Variants in ADAM23 observed in about 807,000 individuals in gnomAD.
ADAM23 encodes the protein ADAM metallopeptidase domain 23, also known as disintegrin and metalloproteinase domain-containing protein 23.
A neutral mutation model predicts 120.1 loss-of-function variants in ADAM23; 33 were observed. The observed-to-expected ratio is 0.27, with a 90% CI of 0.21 to 0.37. The LOEUF (loss-of-function observed/expected upper bound fraction) is 0.37. ADAM23 is among the 10% of genes least tolerant of loss of function. ADAM23 has a pLI of 1.00. For missense variants in ADAM23, 862 were observed against 1,058.2 expected (o/e 0.81, Z 2.57); for synonymous variants, 367 against 375.2 (o/e 0.98, Z 0.25).
Position 206,562,239 on chromosome 2 carries a change from C to T in ADAM23, c.1291C>T (p.Gln431Ter). Residue 431 changes from glutamine (Q) to a stop codon, truncating the protein, a stop_gained, in exon 13 of 26, where the codon CAG becomes TAG. Coordinates refer to ENST00000264377, the MANE Select transcript of ADAM23 (RefSeq NM_003812.4). LOFTEE classifies it high-confidence loss of function. ...AATGGCAGTGGCACAAGTATTATCG[C>T]AGAGCCTGGCTCAAAACCTTGGAAT... is the stretch of plus-strand genomic sequence containing the variant. The part of the protein sequence containing the change: ...LPMAVAQVLS[Q>*]SLAQNLGIQW... The T allele has an allele frequency of 6.2e-7, 1 of 1,614,100 alleles. No homozygotes were observed. Among genetic ancestry groups the T allele is most frequent in the Non-Finnish European group, 8.5e-7 (1 of 1,179,960 alleles).
intron 24 of ADAM23, among the ~76,000 whole-genome samples, chr2:206,598,039 A>G (rs536752523): frequency 1.1e-4 from 16 of 152,286 alleles, no homozygotes; most frequent in Admixed American, 6.5e-4. Context: ...TCCTTCTTCT[A>G]TTTCTAAAAG....
intron 3 of ADAM23, among the ~76,000 whole-genome samples, chr2:206,513,024 G>C (rs1696657692): frequency 6.6e-6 from 1 of 152,060 alleles, no homozygotes; most frequent in African/African-American, 2.4e-5. Flanking sequence ...GTATGTCCTG[G>C]CTTCTCCACT....
intron 9 of ADAM23, among the ~76,000 whole-genome samples, chr2:206,553,251 A>G (rs1697571402): frequency 6.6e-6 from 1 of 152,064 alleles, no homozygotes; most frequent in Non-Finnish European, 1.5e-5. Context: ...ACACACATAT[A>G]CATACACATA....
At chr2:206,486,989 C>T (rs1332918942) in intron 3 of ADAM23, among the ~76,000 whole-genome samples, 1 of 152,140 alleles carries the variant, frequency 6.6e-6, no homozygotes, top group Non-Finnish European at 1.5e-5. Flanking sequence ...TTGTGACTGA[C>T]CTCTTTTACT....
rs760349480 is a variant in ADAM23, at chr2:206,617,712, T to C, written c.*85T>C. ...CAGCAGTGTTACTGGAACTATTAAG[T>C]TTGTAAACAAAACCTTTGGGTGGTA... On this transcript the variant is annotated 3_prime_UTR_variant, in exon 26 of 26. Transcript: ENST00000264377. 124 of 1,575,436 alleles carry C rather than the reference T, an allele frequency of 7.9e-5. No homozygotes were observed. The highest frequency in any genetic ancestry group is 1.0e-4 in the Non-Finnish European group (117 of 1,160,910).
intron 3 of ADAM23, among the ~76,000 whole-genome samples, chr2:206,500,379 C>T (rs1215252544): frequency 2.0e-5 from 3 of 152,064 alleles, no homozygotes; most frequent in African/African-American, 7.2e-5. Context: ...TTGTGTAGCA[C>T]CAACATGCAG....
intron 3 of ADAM23, among the ~76,000 whole-genome samples, chr2:206,504,568 A>G (rs1168228029): frequency 6.6e-6 from 1 of 152,198 alleles, no homozygotes; most frequent in African/African-American, 2.4e-5. Flanking sequence ...CCAGGTACTT[A>G]AGAGTATCAT....
At position 206,443,953 on chromosome 2, in the gene ADAM23, C is replaced by G. The variant is rs1221855809; in HGVS notation, c.87C>G (p.Pro29=). 7.8e-7 allele frequency: 1 copy of G among 1,276,778 alleles called. No individual in the cohort carries two copies. The highest frequency in any genetic ancestry group is 2.7e-5 in the South Asian group (1 of 36,590). The allele number at this position is 1,276,778 out of a possible 1,614,324, so 79.1% of individuals were successfully genotyped here. ...AGASCGPQRG[P]AGSVPASAPA... Reference sequence around the variant, plus strand: ...CTTCCTGCGGCCCCCAACGCGGCCCCGCCGGCTCGGTGCCTGCCAGCGCCC... The same window carrying G: ...CTTCCTGCGGCCCCCAACGCGGCCCGGCCGGCTCGGTGCCTGCCAGCGCCC... The change falls in exon 1 of 26, where the codon CCC becomes CCG. Residue 29 remains proline (P), a synonymous_variant. Transcript: ENST00000264377.
In ADAM23 at chr2:206,540,128, G is replaced by T. The variant is rs141061920; in HGVS notation, c.574-1924G>T. Among the ~76,000 whole-genome samples the T allele has an allele frequency of 1.0e-3, 156 of 152,046 alleles. 1 individual carries two copies. The highest frequency in any genetic ancestry group is 3.5e-3 in the African/African-American group (147 of 41,458). On this transcript the variant is annotated intron_variant, in intron 4 of 25. Coordinates refer to ENST00000264377, the MANE Select transcript of ADAM23 (RefSeq NM_003812.4). Reference sequence around the variant, plus strand: ...ACCTGGGAGGTAGAGGTTGCAGTGAGCTGAGATCATGCCACTGCACTCCAG... The same window carrying T: ...ACCTGGGAGGTAGAGGTTGCAGTGATCTGAGATCATGCCACTGCACTCCAG...
intron 2 of ADAM23, among the ~76,000 whole-genome samples, chr2:206,447,537 T>A (rs1261435528): frequency 6.6e-6 from 1 of 152,200 alleles, no homozygotes; most frequent in African/African-American, 2.4e-5. Context: ...ACCCTTTGTG[T>A]TCTGTGACCT....
intron 10 of ADAM23, among the ~76,000 whole-genome samples, chr2:206,558,780 G>A (rs1360149151): frequency 6.6e-6 from 1 of 152,176 alleles, no homozygotes; most frequent in Non-Finnish European, 1.5e-5. Context: ...TACCACATAA[G>A]GTTCTGAAGC....
intron 15 of ADAM23, among the ~76,000 whole-genome samples, chr2:206,570,212 T>A (rs1649688133): frequency 6.6e-6 from 1 of 152,222 alleles, no homozygotes; most frequent in Non-Finnish European, 1.5e-5. Flanking sequence ...CACTTGAGAT[T>A]TCTTTTCAGT....
chr2:206,534,933 G>A (rs1336084271), intron 4 of ADAM23, among the ~76,000 whole-genome samples: 1 of 151,420 alleles, frequency 6.6e-6, no homozygotes, highest in East Asian at 2.0e-4. Flanking sequence ...AAGTATGTCT[G>A]TGCAGCCAGT....
intron 9 of ADAM23, among the ~76,000 whole-genome samples, chr2:206,557,129 T>C (rs1697661350): frequency 6.6e-6 from 1 of 152,086 alleles, no homozygotes; most frequent in African/African-American, 2.4e-5. Context: ...AGGATCTCAC[T>C]GTGTTGCTTA....
intron 25 of ADAM23, among the ~76,000 whole-genome samples, chr2:206,611,641 G>A (rs763734139): frequency 1.3e-5 from 2 of 152,284 alleles, no homozygotes; most frequent in Admixed American, 6.5e-5. Context: ...CGTCTTTGCC[G>A]TCTAGCCATA....
chr2:206,456,692 A>C (rs1345499149), intron 2 of ADAM23, among the ~76,000 whole-genome samples: 1 of 152,202 alleles, frequency 6.6e-6, no homozygotes, highest in Non-Finnish European at 1.5e-5. Flanking sequence ...CCACATTAAA[A>C]AAAAAATCTT....
At chr2:206,489,462 A>ATG (rs1469271390) in intron 3 of ADAM23, among the ~76,000 whole-genome samples, 4 of 152,166 alleles carry the variant, frequency 2.6e-5, no homozygotes. Flanking sequence ...AGAGGAGACT[A>ATG]TGTGAACATT....
At chr2:206,459,156 C>A (rs1035934445) in intron 2 of ADAM23, among the ~76,000 whole-genome samples, 3 of 152,144 alleles carry the variant, frequency 2.0e-5, no homozygotes, top group Non-Finnish European at 4.4e-5. Flanking sequence ...TTCATCTCTG[C>A]AGAACGTTTA....
In ADAM23 at chr2:206,571,562, G is replaced by A. The variant is rs139322767; in HGVS notation, c.1567-165G>A. ...AGATCTTACTTTGGTGACAAGTATG[G>A]CAGGAAGGAATCTATCCTTGTTTAA... On this transcript the variant is annotated intron_variant, in intron 16 of 25. Coordinates refer to ENST00000264377, the MANE Select transcript of ADAM23 (RefSeq NM_003812.4). Among the ~76,000 whole-genome samples the A allele has an allele frequency of 3.0e-3, 450 of 152,278 alleles. 2 individuals carry two copies. The highest frequency in any genetic ancestry group is 0.01 in the African/African-American group (428 of 41,560).
Sources: allele counts gnomAD v4.1 joint callset (sites outside exome capture counted in the v4.1 genomes callset), GRCh38; gene constraint gnomAD v4.1.1; transcripts MANE v1.5; gene names NCBI Gene and HGNC (gene_info 2026-07-23, HGNC 2026-07-21).